The following CNGA3 variants were observed in gnomAD, a reference collection of about 807,000 sequenced individuals.
CNGA3 encodes the protein cyclic nucleotide gated channel subunit alpha 3.
Under a neutral mutation model 46.6 loss-of-function variants are expected in CNGA3, and 42 were observed. The observed-to-expected ratio is 0.90, with a 90% CI of 0.70 to 1.17. The LOEUF is 1.17. Ranked by LOEUF, CNGA3 falls within the 50% of genes most tolerant of loss-of-function variation. The pLI is 0.00. For synonymous variants in CNGA3, 394 were observed against 369.4 expected, an observed-to-expected ratio of 1.07 and a Z score of -0.76; for missense variants, 893 against 890.7, an observed-to-expected ratio of 1.00 and a Z score of -0.03.
rs1188518238 is a variant in CNGA3, at chr2:98,397,914, C to T, written c.*659C>T. The T allele has an allele frequency of 7.2e-5, 11 of 153,360 alleles. No homozygotes were observed. Among genetic ancestry groups the T allele is most frequent in the Non-Finnish European group, 1.3e-4 (9 of 68,918 alleles). 9.5% of individuals were successfully genotyped at this position (153,360 alleles called of 1,614,324 possible). ...TCCTTGCCGTTCAGCCACTGTGAAA[C>T]CAGAATCTGCTTCACAGAAAAAAGC... On this transcript the variant is annotated 3_prime_UTR_variant, in exon 8 of 8. Coordinates refer to ENST00000272602, the MANE Select transcript of CNGA3 (RefSeq NM_001298.3).
chr2:98,387,077 A>G (rs1031502261), intron 5 of CNGA3, among the ~76,000 whole-genome samples: 5 of 152,238 alleles, frequency 3.3e-5, no homozygotes, highest in African/African-American at 1.2e-4. Context: ...TCCAGCTATT[A>G]CGGTAAACTC....
chr2:98,368,340 G>A (rs559314308), intron 1 of CNGA3, among the ~76,000 whole-genome samples: 207 of 152,250 alleles, frequency 1.4e-3, no homozygotes, highest in African/African-American at 4.3e-3. Context: ...ATCTTTCTCC[G>A]GAGTGGTCTC....
chr2:98,377,120 A>T (rs1054804427), intron 2 of CNGA3, among the ~76,000 whole-genome samples: 3 of 152,184 alleles, frequency 2.0e-5, no homozygotes, highest in African/African-American at 7.2e-5. Context: ...GTGGAGAGCT[A>T]GGCCAGTTCT....
intron 1 of CNGA3, 107 bp downstream of exon 1, chr2:98,346,641 G>A: frequency 2.5e-6 from 1 of 394,450 alleles, no homozygotes; most frequent in South Asian, 1.4e-4. Context: ...CCACACGCAG[G>A]GGAGGGATGC....
At chr2:98,374,289 T>A (rs1384602058) in intron 2 of CNGA3, among the ~76,000 whole-genome samples, 1 of 152,226 alleles carries the variant, frequency 6.6e-6, no homozygotes, top group African/African-American at 2.4e-5. Flanking sequence ...AAAATTATGT[T>A]GTCTTTCAAA....
intron 5 of CNGA3, among the ~76,000 whole-genome samples, chr2:98,384,231 G>A (rs960652365): frequency 6.6e-6 from 1 of 152,170 alleles, no homozygotes; most frequent in African/African-American, 2.4e-5. Context: ...AATTTTGGGG[G>A]CGTAATCAGA....
At chr2:98,370,242 C>G (rs1208909514) in intron 2 of CNGA3, among the ~76,000 whole-genome samples, 166 bp downstream of exon 2, 2 of 152,184 alleles carry the variant, frequency 1.3e-5, no homozygotes, top group Non-Finnish European at 2.9e-5. Flanking sequence ...TCACTTAATC[C>G]TCACAACCCC....
intron 1 of CNGA3, among the ~76,000 whole-genome samples, chr2:98,352,928 A>T (rs1368452294): frequency 1.3e-5 from 2 of 152,302 alleles, no homozygotes; most frequent in South Asian, 4.1e-4. Context: ...CAATGCAGGG[A>T]TTGGGGTGCT....
chr2:98,391,813 A>G, intron 6 of CNGA3, 51 bp from the exon 7 acceptor site: 1 of 1,583,008 alleles, frequency 6.3e-7, no homozygotes, highest in Non-Finnish European at 8.7e-7. Flanking sequence ...TGGGTGGTCC[A>G]CGCTCCAGAA....
intron 2 of CNGA3, among the ~76,000 whole-genome samples, chr2:98,371,388 T>TCTACACTCTTGGTCC (rs1692283476): frequency 6.6e-6 from 1 of 152,166 alleles, no homozygotes; most frequent in Admixed American, 6.5e-5. Flanking sequence ...TGTTTCTCTG[T>TCTACACTCTTGGTCC]CTACACTCTT....
rs552379129 is a variant in CNGA3, at chr2:98,357,707, G to A, written c.-38+11173G>A. Among the ~76,000 whole-genome samples the A allele has an allele frequency of 2.0e-5, 3 of 152,324 alleles. No homozygotes were observed. The South Asian group carries it at 6.2e-4, about 32-fold the overall frequency. ...TCATGTTGTAAAGAAAATGGAAATT[G>A]CCTGAAATGGCATGTTCTTAGCTCT... On this transcript the variant is annotated intron_variant, in intron 1 of 7. Transcript: ENST00000272602.
In CNGA3 at chr2:98,369,936, T is replaced by A; in HGVS notation, c.-37-3T>A. 3 of 1,534,004 alleles carry A rather than the reference T, an allele frequency of 2.0e-6. No individual in the cohort carries two copies. In the African/African-American group the frequency reaches 4.1e-5, roughly 21 times the overall value. The stretch of plus-strand genomic sequence containing the variant: ...ACGTGTCTGCTTTGTGTTCACATTT[T>A]AGCAATCATCTGGGGGGCTAAATGT... On this transcript the variant is annotated splice_region_variant and splice_polypyrimidine_tract_variant and intron_variant, in intron 1 of 7. Transcript: ENST00000272602.
At chr2:98,370,966 A>G (rs1011698369) in intron 2 of CNGA3, among the ~76,000 whole-genome samples, 2 of 152,130 alleles carry the variant, frequency 1.3e-5, no homozygotes, top group African/African-American at 4.8e-5. Context: ...CTGGAATTAC[A>G]GGCACCCACC....
intron 1 of CNGA3, among the ~76,000 whole-genome samples, chr2:98,364,711 G>A (rs183026166): frequency 3.0e-4 from 45 of 152,250 alleles, no homozygotes; most frequent in Non-Finnish European, 5.4e-4. Flanking sequence ...TCATAATATC[G>A]TTGGTCTTTG....
chr2:98,346,507 G>T lies in CNGA3; in HGVS notation c.-65G>T. On this transcript the variant is annotated 5_prime_UTR_variant, in exon 1 of 8. Coordinates refer to ENST00000272602, the MANE Select transcript of CNGA3 (RefSeq NM_001298.3). The stretch of plus-strand genomic sequence containing the variant: ...GGAGGCGCTCCGCAGACCCTGGCGC[G>T]CCGCGGAGAAGCTCAAACTTTGGCA... The T allele has an allele frequency of 2.5e-6, 1 of 398,414 alleles. No homozygotes were observed. The highest frequency in any genetic ancestry group is 4.4e-5 in the Admixed American group (1 of 22,734). The allele number at this position is 398,414 out of a possible 1,614,324, so 24.7% of individuals were successfully genotyped here.
intron 2 of CNGA3, among the ~76,000 whole-genome samples, chr2:98,373,390 G>A (rs185061979): frequency 1.4e-4 from 22 of 152,278 alleles, no homozygotes; most frequent in African/African-American, 3.1e-4. Flanking sequence ...GTACACGAAC[G>A]TTAATCGCTC....
chr2:98,379,893 C>G (rs990674970), intron 3 of CNGA3: 11 of 521,338 alleles, frequency 2.1e-5, no homozygotes, highest in Admixed American at 1.3e-4. Flanking sequence ...AGTCCAAGTG[C>G]TGCAAGGACA....
At chr2:98,363,652 C>CA (rs1286969701) in intron 1 of CNGA3, among the ~76,000 whole-genome samples, 4 of 152,176 alleles carry the variant, frequency 2.6e-5, no homozygotes, top group Non-Finnish European at 4.4e-5. Flanking sequence ...ATGGGTTTGT[C>CA]ATAAATGGCT....
chr2:98,347,712 C>A (rs868527692), intron 1 of CNGA3, among the ~76,000 whole-genome samples: 1 of 152,204 alleles, frequency 6.6e-6, no homozygotes, highest in African/African-American at 2.4e-5. Context: ...GCCCGGCACC[C>A]CGACGGCAGA....
Sources: allele counts gnomAD v4.1 joint callset (sites outside exome capture counted in the v4.1 genomes callset), GRCh38; gene constraint gnomAD v4.1.1; transcripts MANE v1.5; gene names NCBI Gene and HGNC (gene_info 2026-07-23, HGNC 2026-07-21).